The following PTPRG variants were observed in gnomAD, a reference collection of about 807,000 sequenced individuals.
The protein encoded by PTPRG is receptor-type tyrosine-protein phosphatase gamma.
Under a neutral mutation model 165.3 loss-of-function variants are expected in PTPRG, and 102 were observed. That is an observed-to-expected ratio of 0.62 (90% CI 0.53 to 0.73). The LOEUF (loss-of-function observed/expected upper bound fraction) is 0.73, where lower values mean the gene tolerates loss of function less well. Ranked by LOEUF, PTPRG falls within the 30% of genes least tolerant of loss-of-function variation. The pLI is 0.00. For synonymous variants in PTPRG, 675 were observed against 669.5 expected, an observed-to-expected ratio of 1.01 and a Z score of -0.13; for missense variants, 1,866 against 1,861.4, an observed-to-expected ratio of 1.00 and a Z score of -0.05.
intron 2 of PTPRG, among the ~76,000 whole-genome samples, chr3:61,883,330 G>C (rs2037939757): frequency 6.6e-6 from 1 of 152,112 alleles, no homozygotes; most frequent in Non-Finnish European, 1.5e-5. Flanking sequence ...GGAGGCTCCT[G>C]ATGTTCCTTG....
intron 4 of PTPRG, among the ~76,000 whole-genome samples, chr3:62,052,947 G>A (rs190102539): frequency 5.5e-4 from 84 of 152,256 alleles, no homozygotes; most frequent in Non-Finnish European, 7.6e-4. Context: ...TGATAGAAAA[G>A]ACGGAGATAC....
intron 2 of PTPRG, among the ~76,000 whole-genome samples, chr3:61,854,568 G>A (rs533735970): frequency 6.6e-6 from 1 of 152,236 alleles, no homozygotes; most frequent in South Asian, 2.1e-4. Flanking sequence ...TTTAAAACGT[G>A]CACTATTAGG....
intron 4 of PTPRG, among the ~76,000 whole-genome samples, chr3:62,075,268 C>G (rs1032692086): frequency 6.6e-6 from 1 of 152,142 alleles, no homozygotes; most frequent in Non-Finnish European, 1.5e-5. Flanking sequence ...ATAAGAAAGC[C>G]TTCTGTGAAC....
intron 20 of PTPRG, 65 bp downstream of exon 20, chr3:62,269,234 A>G: frequency 6.9e-7 from 1 of 1,457,068 alleles, no homozygotes; most frequent in African/African-American, 1.4e-5. Context: ...AAATTACTGT[A>G]CAACCAAGGC....
chr3:61,693,496 C>T (rs1028468774), intron 1 of PTPRG, among the ~76,000 whole-genome samples: 1 of 152,214 alleles, frequency 6.6e-6, no homozygotes, highest in Non-Finnish European at 1.5e-5. Flanking sequence ...CAGACATTTT[C>T]TGCCTATTAG....
intron 1 of PTPRG, among the ~76,000 whole-genome samples, chr3:61,611,372 CTCA>C (rs1701162502): frequency 6.6e-6 from 1 of 152,138 alleles, no homozygotes; most frequent in Non-Finnish European, 1.5e-5. Flanking sequence ...CAGTGCCTTT[CTCA>C]TCATTTTAAT....
chr3:62,231,592 ATGTT>A (rs1261459301), intron 14 of PTPRG, among the ~76,000 whole-genome samples: 17 of 151,828 alleles, frequency 1.1e-4, no homozygotes, highest in Non-Finnish European at 5.9e-5. Context: ...GGGGTGCTCT[ATGTT>A]TGTGTGTCTG....
chr3:61,662,386 T>TAGCCATATAAGTAAGCCTGGAAGTG (rs1702691127), intron 1 of PTPRG, among the ~76,000 whole-genome samples: 1 of 152,140 alleles, frequency 6.6e-6, no homozygotes, highest in South Asian at 2.1e-4. Flanking sequence ...CTCCCACTGA[T>TAGCCATATAAGTAAGCCTGGAAGTG]AGCCATATAA....
At chr3:61,796,626 C>A (rs2035053074) in intron 2 of PTPRG, among the ~76,000 whole-genome samples, 2 of 152,212 alleles carry the variant, frequency 1.3e-5, no homozygotes, top group Non-Finnish European at 2.9e-5. Context: ...TTGTTGCCCG[C>A]ACCTTTGCCC....
chr3:61,613,897 A>G (rs1701240589), intron 1 of PTPRG, among the ~76,000 whole-genome samples: 1 of 152,298 alleles, frequency 6.6e-6, no homozygotes, highest in Admixed American at 6.5e-5. Flanking sequence ...ATCTCAGGGC[A>G]TGGCTTTCTA....
At chr3:62,032,327 C>G (rs918125022) in intron 4 of PTPRG, among the ~76,000 whole-genome samples, 1 of 152,188 alleles carries the variant, frequency 6.6e-6, no homozygotes, top group Non-Finnish European at 1.5e-5. Context: ...CAAGAAAGCT[C>G]TTTAGTGACC....
chr3:61,576,287 T>TC, intron 1 of PTPRG, among the ~76,000 whole-genome samples: 1 of 152,360 alleles, frequency 6.6e-6, no homozygotes, highest in African/African-American at 2.4e-5. Flanking sequence ...GGTTCATAGC[T>TC]ACTCTTCATA....
At chr3:61,971,474 C>A (rs186088890) in intron 2 of PTPRG, among the ~76,000 whole-genome samples, 9 of 152,218 alleles carry the variant, frequency 5.9e-5, no homozygotes, top group Admixed American at 2.6e-4. Flanking sequence ...GATTAAAGGG[C>A]CGGAATCAAA....
intron 4 of PTPRG, among the ~76,000 whole-genome samples, chr3:62,036,145 G>A (rs1699929894): frequency 6.6e-6 from 1 of 152,018 alleles, no homozygotes; most frequent in Non-Finnish European, 1.5e-5. Flanking sequence ...TAGAAGGTGA[G>A]AAGTACTTTG....
chr3:61,702,568 G>T (rs184101401), intron 1 of PTPRG, among the ~76,000 whole-genome samples: 1 of 152,214 alleles, frequency 6.6e-6, no homozygotes, highest in African/African-American at 2.4e-5. Context: ...CAAATCTGAA[G>T]TATGTGGCTC....
At chr3:62,147,378 A>G (rs943786935) in intron 6 of PTPRG, among the ~76,000 whole-genome samples, 1 of 152,162 alleles carries the variant, frequency 6.6e-6, no homozygotes, top group Non-Finnish European at 1.5e-5. Context: ...ACATAAAACA[A>G]CAAGCTCTAG....
intron 19 of PTPRG, among the ~76,000 whole-genome samples, chr3:62,268,127 G>A (rs572277936): frequency 6.6e-6 from 1 of 151,988 alleles, no homozygotes. Context: ...CAATGATTAC[G>A]AGGAATTACA....
rs768220162 is a variant in PTPRG, at chr3:62,195,192, G to T, written c.1327+22G>T. The T allele has an allele frequency of 5.0e-6, 8 of 1,600,880 alleles. No homozygotes were observed. The highest frequency in any genetic ancestry group is 3.3e-5 in the Admixed American group (2 of 59,982). On this transcript the variant is annotated intron_variant, in intron 10 of 29. Transcript: ENST00000474889. The surrounding 1 kb of genome is among the most constrained non-coding windows in gnomAD (Gnocchi z 4.4). ...CAAGGTGAGGCTGGCTTCCCCTCCTGTGGCCGGGGTGCCCCTGAGACTCCC... is the reference window on the plus strand; with the variant it reads ...CAAGGTGAGGCTGGCTTCCCCTCCTTTGGCCGGGGTGCCCCTGAGACTCCC...
At chr3:61,810,102 G>A (rs1225105378) in intron 2 of PTPRG, among the ~76,000 whole-genome samples, 2 of 152,206 alleles carry the variant, frequency 1.3e-5, no homozygotes, top group Non-Finnish European at 2.9e-5. Flanking sequence ...TGGCCAGGAA[G>A]CCAGTGATAC....
Sources: gnomAD v4.1 joint callset for allele counts (sites outside exome capture counted in the v4.1 genomes callset) on GRCh38, gnomAD v4.1.1 for gene constraint, Gnocchi (gnomAD v3.1) non-coding constraint, MANE v1.5 for transcripts, NCBI Gene and HGNC (gene_info 2026-07-23, HGNC 2026-07-21) for gene names.